KCNIP4: variants seen among roughly 807,000 people sequenced by gnomAD.
KCNIP4 encodes the protein Kv channel-interacting protein 4.
KCNIP4 carries 12 observed loss-of-function variants against 34.0 expected under a neutral mutation model. The observed-to-expected ratio is 0.35, with a 90% CI of 0.23 to 0.57. The LOEUF (loss-of-function observed/expected upper bound fraction) is 0.57. Among genes scored for constraint, KCNIP4 ranks in the 20% least tolerant of loss-of-function variants. KCNIP4 has a pLI of 0.83. For synonymous variants in KCNIP4, 124 were observed against 102.2 expected (o/e 1.21, Z -1.29); for missense variants, 238 against 311.7 (o/e 0.76, Z 1.78).
chr4:21,313,824 T>C (rs563662730), intron 1 of KCNIP4, among the ~76,000 whole-genome samples: 1 of 152,332 alleles, frequency 6.6e-6, no homozygotes, highest in African/African-American at 2.4e-5. Context: ...TAACTCAGGA[T>C]GGCACCTCTC....
intron 1 of KCNIP4, among the ~76,000 whole-genome samples, chr4:21,582,808 A>G (rs1741334931): frequency 6.6e-6 from 1 of 151,998 alleles, no homozygotes; most frequent in South Asian, 2.1e-4. Flanking sequence ...CACCCTCCTG[A>G]GATAACTAGG....
intron 1 of KCNIP4, among the ~76,000 whole-genome samples, chr4:20,892,593 A>C (rs1017062683): frequency 6.6e-6 from 1 of 152,072 alleles, no homozygotes; most frequent in African/African-American, 2.4e-5. Context: ...CTCTCAATCA[A>C]GGCAGGGTCC....
At position 21,317,522 on chromosome 4, in the gene KCNIP4, C is replaced by T. The variant is rs373669818; in HGVS notation, c.62-434813G>A. On this transcript the variant is annotated intron_variant, in intron 1 of 8. Transcript: ENST00000382152. ...TAATGTTGACAACTTGGTAAATAAG[C>T]AAACACTAACTCCTATTATACATAT... Among the ~76,000 whole-genome samples, 9 of 152,230 alleles carry T rather than the reference C, an allele frequency of 5.9e-5. No individual in the cohort carries two copies. The South Asian group carries it at 1.7e-3, about 28-fold the overall frequency.
intron 1 of KCNIP4, among the ~76,000 whole-genome samples, chr4:21,911,508 CTTTTTTTTTTTTTT>C (rs67157154): frequency 2.7e-5 from 1 of 37,100 alleles, no homozygotes; most frequent in Non-Finnish European, 4.2e-5. Flanking sequence ...AGGCGCTTGA[CTTTTTTTTTTTTTT>C]TTTTTTTTTT....
chr4:21,117,308 G>A (rs917005092), intron 1 of KCNIP4, among the ~76,000 whole-genome samples: 9 of 64,248 alleles, frequency 1.4e-4, no homozygotes, highest in South Asian at 1.1e-3. Flanking sequence ...GCCGGGGGGG[G>A]GGGGGGGGGG....
intron 1 of KCNIP4, among the ~76,000 whole-genome samples, chr4:21,037,771 G>C (rs1042360393): frequency 3.3e-5 from 5 of 151,730 alleles, no homozygotes; most frequent in Non-Finnish European, 7.4e-5. Flanking sequence ...TAAGAAGCTT[G>C]GCAGAAAAAG....
At chr4:21,170,024 T>C (rs1205888973) in intron 1 of KCNIP4, among the ~76,000 whole-genome samples, 3 of 152,022 alleles carry the variant, frequency 2.0e-5, no homozygotes, top group Non-Finnish European at 2.9e-5. Flanking sequence ...CCTTAGTAAA[T>C]AGAAGTTCAA....
intron 1 of KCNIP4, among the ~76,000 whole-genome samples, chr4:21,660,226 C>T (rs1373259507): frequency 6.6e-6 from 1 of 152,048 alleles, no homozygotes; most frequent in Non-Finnish European, 1.5e-5. Flanking sequence ...TCTTGCTTCC[C>T]TTACTTAGAC....
intron 1 of KCNIP4, among the ~76,000 whole-genome samples, chr4:21,484,480 C>T (rs930534440): frequency 2.0e-5 from 3 of 151,962 alleles, no homozygotes; most frequent in Non-Finnish European, 4.4e-5. Context: ...CTGTTAATTA[C>T]ATAACTCATT....
intron 1 of KCNIP4, among the ~76,000 whole-genome samples, chr4:21,800,332 T>C (rs969864762): frequency 7.2e-5 from 11 of 152,334 alleles, no homozygotes; most frequent in African/African-American, 2.6e-4. Context: ...AGACTTGCTA[T>C]AATTCATTGT....
At chr4:21,446,553 C>T (rs1260728422) in intron 1 of KCNIP4, among the ~76,000 whole-genome samples, 3 of 142,218 alleles carry the variant, frequency 2.1e-5, no homozygotes, top group African/African-American at 7.9e-5. Flanking sequence ...CATGTTCTCA[C>T]TTATAGGTGG....
At chr4:21,311,016 G>A (rs1329608473) in intron 1 of KCNIP4, among the ~76,000 whole-genome samples, 1 of 152,158 alleles carries the variant, frequency 6.6e-6, no homozygotes, top group Admixed American at 6.5e-5. Context: ...GAGTATGCTT[G>A]GGTTTAAATC....
intron 1 of KCNIP4, among the ~76,000 whole-genome samples, chr4:21,924,466 T>C (rs28406575): frequency 6.6e-6 from 1 of 151,824 alleles, no homozygotes; most frequent in Non-Finnish European, 1.5e-5. Flanking sequence ...AAATGGTCTC[T>C]ATCTGCTGAC....
intron 1 of KCNIP4, among the ~76,000 whole-genome samples, chr4:20,908,874 A>G (rs1424149649): frequency 6.6e-6 from 1 of 152,242 alleles, no homozygotes; most frequent in Non-Finnish European, 1.5e-5. Flanking sequence ...ATTCATGAAA[A>G]GTGCTTTATT....
intron 4 of KCNIP4, among the ~76,000 whole-genome samples, chr4:20,757,939 T>A (rs1754617975): frequency 6.6e-6 from 1 of 152,212 alleles, no homozygotes; most frequent in Non-Finnish European, 1.5e-5. Context: ...ATGCCAGCAC[T>A]GTGCTCTCAG....
intron 1 of KCNIP4, among the ~76,000 whole-genome samples, chr4:21,375,930 A>G (rs1720925608): frequency 1.3e-5 from 2 of 152,260 alleles, no homozygotes; most frequent in East Asian, 3.9e-4. Flanking sequence ...TCAAAAAGGT[A>G]CCTTTCAAGG....
intron 1 of KCNIP4, among the ~76,000 whole-genome samples, chr4:21,939,252 T>C (rs1730059607): frequency 6.6e-6 from 1 of 152,184 alleles, no homozygotes; most frequent in South Asian, 2.1e-4. Flanking sequence ...TAATGACTAA[T>C]TTTCATTTGG....
intron 1 of KCNIP4, among the ~76,000 whole-genome samples, chr4:21,385,923 A>C (rs1286655139): frequency 6.6e-6 from 1 of 152,182 alleles, no homozygotes; most frequent in Non-Finnish European, 1.5e-5. Flanking sequence ...ACTAGCTCAA[A>C]CAAGTGATTG....
At chr4:21,907,466 C>T (rs1728068064) in intron 1 of KCNIP4, among the ~76,000 whole-genome samples, 1 of 152,136 alleles carries the variant, frequency 6.6e-6, no homozygotes, top group East Asian at 1.9e-4. Context: ...ATTATCCAGC[C>T]TCAGGTATTC....
Sources: gnomAD v4.1 joint callset for allele counts (sites outside exome capture counted in the v4.1 genomes callset) on GRCh38, gnomAD v4.1.1 for gene constraint, MANE v1.5 for transcripts, NCBI Gene and HGNC (gene_info 2026-07-23, HGNC 2026-07-21) for gene names.